Variants in UQCC1 observed in about 807,000 individuals in gnomAD.
UQCC1 encodes ubiquinol-cytochrome c reductase complex assembly factor 1, also known as bFGF-repressed Zic-binding protein.
UQCC1 carries 38 observed loss-of-function variants against 48.0 expected under a neutral mutation model. The ratio of observed to expected loss-of-function variants is 0.79; its 90% CI spans 0.61 to 1.04. UQCC1 has a LOEUF of 1.04. UQCC1 is among the 50% of genes least tolerant of loss of function. The pLI is 0.00. For synonymous variants in UQCC1, 111 were observed against 129.2 expected, an observed-to-expected ratio of 0.86 and a Z score of 0.95; for missense variants, 368 against 381.8, an observed-to-expected ratio of 0.96 and a Z score of 0.30.
chr20:35,341,611 A>G (rs892674467), intron 7 of UQCC1, among the ~76,000 whole-genome samples: 1 of 152,216 alleles, frequency 6.6e-6, no homozygotes, highest in East Asian at 1.9e-4. Context: ...GACAGTCAAC[A>G]TAAGTGAATA....
At chr20:35,333,145 T>A (rs2061276197) in intron 7 of UQCC1, among the ~76,000 whole-genome samples, 1 of 152,006 alleles carries the variant, frequency 6.6e-6, no homozygotes, top group Non-Finnish European at 1.5e-5. Context: ...GATTTTGAAA[T>A]CCGTCAGCTC....
intron 6 of UQCC1, among the ~76,000 whole-genome samples, chr20:35,362,719 C>CGTGT (rs898651770): frequency 1.3e-5 from 2 of 151,598 alleles, no homozygotes; most frequent in Non-Finnish European, 2.9e-5. Flanking sequence ...CATGTGTGTG[C>CGTGT]GTGTGTGTGT....
chr20:35,394,003 C>T, intron 2 of UQCC1, 89 bp downstream of exon 2: 1 of 1,294,730 alleles, frequency 7.7e-7, no homozygotes. Flanking sequence ...TTTTCCATCA[C>T]ACAATTTGGT....
At chr20:35,316,840 G>A (rs779669696) in intron 7 of UQCC1, among the ~76,000 whole-genome samples, 92 of 151,906 alleles carry the variant, frequency 6.1e-4, no homozygotes, top group Non-Finnish European at 1.1e-3. Context: ...GGGTTTCACC[G>A]TGTTAGCCAG....
intron 7 of UQCC1, among the ~76,000 whole-genome samples, chr20:35,333,290 C>G (rs1449188732): frequency 6.6e-6 from 1 of 152,124 alleles, no homozygotes; most frequent in Non-Finnish European, 1.5e-5. Flanking sequence ...GAGATGATGT[C>G]TGTAAAATTC....
At chr20:35,309,276 A>G (rs561311212) in intron 8 of UQCC1, 12 of 429,014 alleles carry the variant, frequency 2.8e-5, no homozygotes, top group South Asian at 1.8e-4. Flanking sequence ...ACAAAAAAAT[A>G]TAAAAATTAG....
chr20:35,410,774 A>C (rs1374840637), intron 1 of UQCC1, among the ~76,000 whole-genome samples: 11 of 146,060 alleles, frequency 7.5e-5, no homozygotes, highest in Admixed American at 1.4e-4. Context: ...AAAAAAAAAA[A>C]AAACCACTAA....
intron 7 of UQCC1, chr20:35,344,940 G>T (rs754662432): frequency 6.6e-6 from 1 of 152,208 alleles, no homozygotes; most frequent in Non-Finnish European, 1.5e-5. Flanking sequence ...ATGGCCAGTG[G>T]TTTAATCAGT....
chr20:35,408,619 G>A (rs1009471113), intron 1 of UQCC1, among the ~76,000 whole-genome samples: 2 of 151,158 alleles, frequency 1.3e-5, no homozygotes, highest in African/African-American at 4.9e-5. Context: ...TTGGGAGACC[G>A]AGACAATGGA....
At position 35,317,754 on chromosome 20, in the gene UQCC1, A is replaced by T. The variant is rs1237510135; in HGVS notation, c.574-2989T>A. Among the ~76,000 whole-genome samples, 7 of 152,286 alleles carry T rather than the reference A, an allele frequency of 4.6e-5. No homozygotes were observed. In the South Asian group the frequency reaches 1.4e-3, roughly 32 times the overall value. ...GCTAAGACAGGCTTGCTGGTAACTG[A>T]ATTTTTACAAGGGCCTGTGTACTAC... On this transcript the variant is annotated intron_variant, in intron 7 of 9. Transcript: ENST00000374385.
rs534498390 is a variant in UQCC1, at chr20:35,314,605, T to C, written c.651+83A>G. The C allele has an allele frequency of 1.5e-5, 18 of 1,171,450 alleles. No homozygotes were observed. The South Asian group carries it at 1.8e-4, about 12-fold the overall frequency. The allele number at this position is 1,171,450 out of a possible 1,614,324, so 72.6% of individuals were successfully genotyped here. ...GGTGGTAGCCAGTAACAATGGTCCCTGTGGCTTCCCTCAGAGGCTCTCATC... is the reference window on the plus strand; with the variant it reads ...GGTGGTAGCCAGTAACAATGGTCCCCGTGGCTTCCCTCAGAGGCTCTCATC... On this transcript the variant is annotated intron_variant, in intron 8 of 9. Transcript: ENST00000374385.
At chr20:35,338,872 A>ATATATATATATAT (rs1568666036) in intron 7 of UQCC1, among the ~76,000 whole-genome samples, 1 of 57,648 alleles carries the variant, frequency 1.7e-5, no homozygotes, top group African/African-American at 2.1e-4. Context: ...AAAAAAAAAA[A>ATATATATATATAT]AAAAAAAAAA....
intron 2 of UQCC1, among the ~76,000 whole-genome samples, chr20:35,384,966 C>CAAAAAAAAAAAAAAA (rs57141083): frequency 1.0e-4 from 7 of 69,750 alleles, no homozygotes; most frequent in African/African-American, 4.4e-4. Flanking sequence ...GAATCGGTCT[C>CAAAAAAAAAAAAAAA]AAAAAAAAAA....
intron 1 of UQCC1, among the ~76,000 whole-genome samples, chr20:35,395,029 C>A (rs919188634): frequency 6.6e-6 from 1 of 152,132 alleles, no homozygotes; most frequent in African/African-American, 2.4e-5. Flanking sequence ...CAAATGGAAG[C>A]GATGCAAAAG....
At chr20:35,369,376 T>C (rs951242886) in intron 5 of UQCC1, among the ~76,000 whole-genome samples, 2 of 152,256 alleles carry the variant, frequency 1.3e-5, no homozygotes, top group African/African-American at 4.8e-5. Context: ...ATGAAATGCA[T>C]TTAAACACTT....
chr20:35,329,632 TGAAA>T (rs1270848443), intron 7 of UQCC1, among the ~76,000 whole-genome samples: 3 of 152,222 alleles, frequency 2.0e-5, no homozygotes, highest in African/African-American at 7.2e-5. Context: ...CCAGGGCAGC[TGAAA>T]GAAACATCTG....
chr20:35,328,620 T>C (rs1401257503), intron 7 of UQCC1, among the ~76,000 whole-genome samples: 1 of 152,192 alleles, frequency 6.6e-6, no homozygotes, highest in Non-Finnish European at 1.5e-5. Flanking sequence ...GGCTTCAGTA[T>C]GTGAGCACTC....
chr20:35,332,856 C>T (rs556407805), intron 7 of UQCC1, among the ~76,000 whole-genome samples: 2 of 152,352 alleles, frequency 1.3e-5, no homozygotes, highest in South Asian at 4.1e-4. Context: ...ATTCTTCCCA[C>T]TTACCTCAAG....
intron 7 of UQCC1, among the ~76,000 whole-genome samples, chr20:35,340,151 G>C (rs1325726485): frequency 6.6e-6 from 1 of 152,150 alleles, no homozygotes; most frequent in Non-Finnish European, 1.5e-5. Flanking sequence ...CTCAGGACAG[G>C]ACTGGCACCC....
Sources: gnomAD v4.1 joint callset for allele counts (sites outside exome capture counted in the v4.1 genomes callset) on GRCh38, gnomAD v4.1.1 for gene constraint, MANE v1.5 for transcripts, NCBI Gene and HGNC (gene_info 2026-07-23, HGNC 2026-07-21) for gene names.